Variants in CTNND2 observed in about 807,000 individuals in gnomAD.
CTNND2 encodes catenin delta 2, also known as catenin delta-2.
In CTNND2, 22 loss-of-function variants were observed where a neutral mutation model predicts 144.4. That is an observed-to-expected ratio of 0.15 (90% CI 0.11 to 0.22). CTNND2 has a LOEUF of 0.22. CTNND2 is among the 10% of genes least tolerant of loss of function. The probability of loss-of-function intolerance (pLI) is 1.00; values close to 1 mark genes in which losing one functional copy is unlikely to be tolerated. For missense variants in CTNND2, 1,353 were observed against 1,618.8 expected, an observed-to-expected ratio of 0.84 and a Z score of 2.82; for synonymous variants, 751 against 695.6, an observed-to-expected ratio of 1.08 and a Z score of -1.25.
intron 1 of CTNND2, among the ~76,000 whole-genome samples, chr5:11,859,471 T>G (rs553496597): frequency 2.3e-4 from 35 of 152,304 alleles, no homozygotes; most frequent in African/African-American, 8.2e-4. Flanking sequence ...AAATATCCAG[T>G]TCTTGAACGA....
chr5:11,534,012 A>G (rs1212483181), intron 3 of CTNND2, among the ~76,000 whole-genome samples: 1 of 152,188 alleles, frequency 6.6e-6, no homozygotes. Context: ...ATTTTACAGG[A>G]CCACCTCATG....
At chr5:11,242,125 T>A (rs944097078) in intron 9 of CTNND2, among the ~76,000 whole-genome samples, 1 of 152,170 alleles carries the variant, frequency 6.6e-6, no homozygotes, top group Admixed American at 6.5e-5. Context: ...GGTCTGTGGA[T>A]ACTGTTGTGA....
At chr5:11,591,875 TC>T (rs1318263485) in intron 2 of CTNND2, among the ~76,000 whole-genome samples, 1 of 152,146 alleles carries the variant, frequency 6.6e-6, no homozygotes, top group African/African-American at 2.4e-5. Flanking sequence ...GGCAACCTTT[TC>T]TTGGCCTGAC....
At chr5:11,473,610 G>C (rs1017281868) in intron 3 of CTNND2, among the ~76,000 whole-genome samples, 1 of 152,142 alleles carries the variant, frequency 6.6e-6, no homozygotes, top group African/African-American at 2.4e-5. Flanking sequence ...TGGCTCCATC[G>C]CTATTCCCAG....
intron 1 of CTNND2, among the ~76,000 whole-genome samples, chr5:11,808,634 A>G (rs1792140697): frequency 6.6e-6 from 1 of 152,092 alleles, no homozygotes; most frequent in African/African-American, 2.4e-5. Context: ...ATTGCCTTGG[A>G]TTCTCCTGCA....
At chr5:11,721,205 G>A (rs568111494) in intron 2 of CTNND2, among the ~76,000 whole-genome samples, 7 of 152,232 alleles carry the variant, frequency 4.6e-5, no homozygotes, top group Admixed American at 3.3e-4. Context: ...AGCAATATAA[G>A]CCCTTTAGAA....
At chr5:11,675,830 C>T (rs1270501751) in intron 2 of CTNND2, among the ~76,000 whole-genome samples, 1 of 151,612 alleles carries the variant, frequency 6.6e-6, no homozygotes, top group East Asian at 2.0e-4. Context: ...CTTGTCTTCT[C>T]ACTTTATTTC....
In CTNND2 at chr5:11,073,617, G is replaced by A. The variant is rs150224827; in HGVS notation, c.2788+9079C>T. 1.8e-4 allele frequency among the ~76,000 whole-genome samples: 28 copies of A among 152,076 alleles called. No homozygotes were observed. The East Asian group carries it at 4.4e-3, about 24-fold the overall frequency. On this transcript the variant is annotated intron_variant, in intron 16 of 21. Coordinates refer to ENST00000304623, the MANE Select transcript of CTNND2 (RefSeq NM_001332.4). ...CCTTTTAAGGAATTCTTATCTTCCC[G>A]ACCCAGCTGCCAAAATTCCCCAAAA...
intron 3 of CTNND2, among the ~76,000 whole-genome samples, chr5:11,476,467 CA>C (rs1767751190): frequency 6.6e-6 from 1 of 152,108 alleles, no homozygotes; most frequent in Non-Finnish European, 1.5e-5. Context: ...GGAAAATTTT[CA>C]GTGATTCTAT....
chr5:11,372,418 A>T (rs79890624), intron 7 of CTNND2, among the ~76,000 whole-genome samples: 1,581 of 152,272 alleles, frequency 0.01, 31 homozygotes, highest in African/African-American at 0.036. Flanking sequence ...ATAATGAGTA[A>T]TGTGGGGTCC....
At position 11,584,425 on chromosome 5, in the gene CTNND2, TG is replaced by T. The variant is rs202172529; in HGVS notation, c.175-19370del. Among the ~76,000 whole-genome samples, 983 of 124,236 alleles carry T rather than the reference TG, an allele frequency of 7.9e-3. 16 individuals are homozygous for T. Among genetic ancestry groups the T allele is most frequent in the African/African-American group, 0.025 (791 of 32,262 alleles). The allele number at this position is 124,236 out of a possible 152,430, so 81.5% of individuals were successfully genotyped here. On this transcript the variant is annotated intron_variant, in intron 2 of 21. Transcript: ENST00000304623. ...TATATACATATATATATATTTTTTT[TG>T]GGGGGGGGGAGGAGGAAGCTAGTAC... is the stretch of plus-strand genomic sequence containing the variant.
intron 1 of CTNND2, among the ~76,000 whole-genome samples, chr5:11,799,710 C>T (rs925710780): frequency 2.6e-5 from 4 of 152,104 alleles, no homozygotes; most frequent in African/African-American, 9.7e-5. Flanking sequence ...TCCATGCTAG[C>T]AATATTTTGA....
At chr5:11,224,568 CTTCT>C (rs1740129656) in intron 10 of CTNND2, among the ~76,000 whole-genome samples, 1 of 152,192 alleles carries the variant, frequency 6.6e-6, no homozygotes. Flanking sequence ...CACTGCCTTC[CTTCT>C]TTTTCTTTGT....
chr5:11,724,576 G>A (rs1786896562), intron 2 of CTNND2, among the ~76,000 whole-genome samples: 1 of 152,096 alleles, frequency 6.6e-6, no homozygotes, highest in Admixed American at 6.6e-5. Flanking sequence ...GAGGTGGTGG[G>A]CATGGGTGCT....
At chr5:11,746,856 A>C (rs1435525783) in intron 1 of CTNND2, among the ~76,000 whole-genome samples, 1 of 152,204 alleles carries the variant, frequency 6.6e-6, no homozygotes, top group African/African-American at 2.4e-5. Flanking sequence ...TTACACGTAC[A>C]ACACTGGCAC....
intron 9 of CTNND2, among the ~76,000 whole-genome samples, chr5:11,251,598 G>C (rs978562756): frequency 3.3e-5 from 5 of 152,132 alleles, no homozygotes; most frequent in African/African-American, 9.7e-5. Context: ...TTCCTATGTT[G>C]CCCTGGGACA....
intron 5 of CTNND2, among the ~76,000 whole-genome samples, chr5:11,398,622 T>A (rs1760352943): frequency 6.6e-6 from 1 of 152,222 alleles, no homozygotes; most frequent in South Asian, 2.1e-4. Context: ...AAAAGTGTTT[T>A]CATCCAGCCA....
chr5:11,618,839 T>C (rs1780700944), intron 2 of CTNND2, among the ~76,000 whole-genome samples: 1 of 152,212 alleles, frequency 6.6e-6, no homozygotes, highest in Non-Finnish European at 1.5e-5. Flanking sequence ...TATATGATTT[T>C]ATCCGATTAT....
At chr5:11,380,444 T>C (rs1025103491) in intron 7 of CTNND2, among the ~76,000 whole-genome samples, 1 of 152,204 alleles carries the variant, frequency 6.6e-6, no homozygotes, top group Non-Finnish European at 1.5e-5. Flanking sequence ...ATAGATACAA[T>C]GGTGACCCCT....
Sources: gnomAD v4.1 joint callset for allele counts (sites outside exome capture counted in the v4.1 genomes callset) on GRCh38, gnomAD v4.1.1 for gene constraint, MANE v1.5 for transcripts, NCBI Gene and HGNC (gene_info 2026-07-23, HGNC 2026-07-21) for gene names.